Variants in OPHN1 observed in about 807,000 individuals in gnomAD.
OPHN1 encodes the protein oligophrenin-1.
Under a neutral mutation model 60.7 loss-of-function variants are expected in OPHN1, and 11 were observed. That is an observed-to-expected ratio of 0.18 (90% confidence interval 0.11 to 0.30). OPHN1 has a LOEUF of 0.30. Ranked by LOEUF, OPHN1 falls within the 10% of genes least tolerant of loss-of-function variation. The pLI, the probability that OPHN1 is intolerant of heterozygous loss-of-function variation, is 1.00. For missense variants in OPHN1, 449 were observed against 611.0 expected, an observed-to-expected ratio of 0.73 and a Z score of 2.80; for synonymous variants, 226 against 222.6, an observed-to-expected ratio of 1.02 and a Z score of -0.14.
chrX:68,187,120 C>T (rs749623771), intron 15 of OPHN1, among the ~76,000 whole-genome samples: 9 of 111,984 alleles, frequency 8.0e-5, no homozygotes, highest in African/African-American at 2.9e-4. Flanking sequence ...AGAATGACCT[C>T]GGGGTCCACT....
At chrX:68,193,752 G>GA (rs1602226256) in intron 14 of OPHN1, 138 bp downstream of exon 14, 22 of 538,302 alleles carry the variant, frequency 4.1e-5, no homozygotes, top group Middle Eastern at 3.5e-4. Flanking sequence ...AGAATTTTCT[G>GA]AAATTTTCTA....
At chrX:68,360,337 C>T (rs2078465868) in intron 2 of OPHN1, among the ~76,000 whole-genome samples, 1 of 110,162 alleles carries the variant, frequency 9.1e-6, no homozygotes, top group Non-Finnish European at 1.9e-5. Context: ...GGCACCAAAC[C>T]CAGCTAATTT....
At chrX:68,148,837 T>A (rs933622641) in intron 15 of OPHN1, among the ~76,000 whole-genome samples, 1 of 110,886 alleles carries the variant, frequency 9.0e-6, no homozygotes, top group Non-Finnish European at 1.9e-5. Context: ...CTGTTAGAGG[T>A]TCTGTAATGT....
intron 23 of OPHN1, among the ~76,000 whole-genome samples, chrX:68,052,009 G>C (rs1429669755): frequency 2.7e-5 from 3 of 112,432 alleles, no homozygotes; most frequent in Non-Finnish European, 5.6e-5. Context: ...AGAGACACTG[G>C]CTGGGTGCAG....
At chrX:68,133,523 A>G (rs1379687774) in intron 15 of OPHN1, 17 of 451,793 alleles carry the variant, frequency 3.8e-5, no homozygotes, top group Non-Finnish European at 6.7e-5. Flanking sequence ...TTGACAACAC[A>G]TTTCAGCTTC....
At chrX:68,281,216 G>T (rs1334204469) in intron 4 of OPHN1, among the ~76,000 whole-genome samples, 1 of 111,992 alleles carries the variant, frequency 8.9e-6, no homozygotes, top group Admixed American at 9.5e-5. Flanking sequence ...ATTTGTGAAA[G>T]AATAGATAAA....
At chrX:68,251,867 T>C (rs1423905144) in intron 5 of OPHN1, among the ~76,000 whole-genome samples, 1 of 111,882 alleles carries the variant, frequency 8.9e-6, no homozygotes, top group African/African-American at 3.2e-5. Flanking sequence ...GATTGAATTA[T>C]TGTTCCCAAA....
chrX:68,163,408 AG>A (rs1423789055), intron 15 of OPHN1, among the ~76,000 whole-genome samples: 1 of 98,181 alleles, frequency 1.0e-5, no homozygotes, highest in African/African-American at 3.7e-5. Context: ...TTCTTTTTTA[AG>A]GCTGAATGAA....
chrX:68,279,101 CTTTTTT>C (rs984725368), intron 4 of OPHN1, among the ~76,000 whole-genome samples: 1 of 21,785 alleles, frequency 4.6e-5, no homozygotes, highest in African/African-American at 2.2e-4. Context: ...CTCCCCCGCT[CTTTTTT>C]TTTTTTTTTT....
At chrX:68,064,433 T>C (rs1194688636) in intron 20 of OPHN1, among the ~76,000 whole-genome samples, 2 of 111,534 alleles carry the variant, frequency 1.8e-5, no homozygotes, top group African/African-American at 6.5e-5. Context: ...TAAGCCACAG[T>C]AAACCAAGAG....
At chrX:68,210,105 G>T in intron 9 of OPHN1, 48 bp downstream of exon 9, 3 of 1,197,386 alleles carry the variant, frequency 2.5e-6, no homozygotes, top group Non-Finnish European at 3.4e-6. Flanking sequence ...AGTGGCAGTA[G>T]TTCCTGGCTT....
At chrX:68,330,090 TTTTC>T (rs975771091) in intron 2 of OPHN1, among the ~76,000 whole-genome samples, 2 of 110,717 alleles carry the variant, frequency 1.8e-5, no homozygotes, top group Non-Finnish European at 3.8e-5. Context: ...CCTTTCTTCT[TTTTC>T]TTTTTTTTTT....
At position 68,151,117 on chromosome X, in the gene OPHN1, A is replaced by T. The variant is rs186874739; in HGVS notation, c.1277-31785T>A. Among the ~76,000 whole-genome samples, 296 of 111,427 alleles carry T rather than the reference A, an allele frequency of 2.7e-3. 1 individual carries two copies. Among genetic ancestry groups the T allele is most frequent in the African/African-American group, 8.7e-3 (267 of 30,690 alleles). On this transcript the variant is annotated intron_variant, in intron 15 of 24. Transcript: ENST00000355520. Reference sequence around the variant, plus strand: ...GTGTAACAGTGGCTTCAGGATTCAGACAGCTGCCTAGAGGCCAGAGGTTGG... The same window carrying T: ...GTGTAACAGTGGCTTCAGGATTCAGTCAGCTGCCTAGAGGCCAGAGGTTGG...
chrX:68,048,554 A>G, intron 23 of OPHN1, 97 bp from the exon 24 acceptor site: 1 of 735,611 alleles, frequency 1.4e-6, no homozygotes, highest in Non-Finnish European at 2.1e-6. Flanking sequence ...AGTGCTAAAG[A>G]GGCCATTTGA....
intron 2 of OPHN1, among the ~76,000 whole-genome samples, chrX:68,404,671 A>G (rs2078732923): frequency 8.9e-6 from 1 of 111,807 alleles, no homozygotes; most frequent in Non-Finnish European, 1.9e-5. Context: ...AGGAATAATT[A>G]TGCAGCCTTA....
Position 68,299,019 on chromosome X carries a change from C to A in OPHN1, c.232G>T (p.Asp78Tyr). The stretch of plus-strand genomic sequence containing the variant: ...GACTTACCGATGTTAATTTCATCAT[C>A]AGTCAGAGTGTCTCCAATGAAATCA... ...QFDFIGDTLT[D>Y]DEINIAESFK... is the part of the protein sequence containing the mutation. The change falls in exon 3 of 25, where the codon GAT becomes TAT. Residue 78 changes from aspartate to tyrosine, a missense_variant. By Grantham distance (160) the Asp-to-Tyr change is radical. Coordinates refer to ENST00000355520, the MANE Select transcript of OPHN1 (RefSeq NM_002547.3). 1 of 1,183,759 alleles carries A rather than the reference C, an allele frequency of 8.4e-7. No individual in the cohort carries two copies. The highest frequency in any genetic ancestry group is 1.8e-5 in the South Asian group (1 of 56,234).
intron 2 of OPHN1, among the ~76,000 whole-genome samples, chrX:68,317,517 GAGAA>G (rs201700905): frequency 0.02 from 959 of 47,739 alleles, 22 homozygotes; most frequent in African/African-American, 0.051. Flanking sequence ...GAAAGAGAGA[GAGAA>G]AGAAAGAAAG....
At chrX:68,067,317 A>C (rs114182850) in intron 20 of OPHN1, among the ~76,000 whole-genome samples, 26,541 of 110,381 alleles carry the variant, frequency 0.24, 2,525 homozygotes, top group Middle Eastern at 0.29. Flanking sequence ...AATATAATTA[A>C]AAGTTTGGTT....
intron 20 of OPHN1, 94 bp downstream of exon 20, chrX:68,073,058 G>T: frequency 1.0e-6 from 1 of 1,003,469 alleles, no homozygotes; most frequent in South Asian, 2.0e-5. Context: ...TACTTTTATA[G>T]AGAGAAAAAT....
Sources: allele counts gnomAD v4.1 joint callset (sites outside exome capture counted in the v4.1 genomes callset), GRCh38; gene constraint gnomAD v4.1.1; transcripts MANE v1.5; gene names NCBI Gene and HGNC (gene_info 2026-07-23, HGNC 2026-07-21).